The following FBN3 variants were observed in gnomAD, a reference collection of about 807,000 sequenced individuals.
FBN3 encodes the protein fibrillin 3, also known as fibrillin-3.
Under a neutral mutation model 330.1 loss-of-function variants are expected in FBN3, and 234 were observed. The observed-to-expected ratio is 0.71, with a 90% CI of 0.64 to 0.79. The LOEUF (loss-of-function observed/expected upper bound fraction) is 0.79, where lower values mean the gene tolerates loss of function less well. Ranked by LOEUF, FBN3 falls within the 30% of genes least tolerant of loss-of-function variation. The probability of loss-of-function intolerance (pLI) is 0.00; values close to 1 mark genes in which losing one functional copy is unlikely to be tolerated. For missense variants in FBN3, 3,606 were observed against 3,886.9 expected (o/e 0.93, Z 1.92); for synonymous variants, 1,458 against 1,517.3 (o/e 0.96, Z 0.91).
rs1290204356 is a variant in FBN3 at position 8,076,353 on chromosome 19, C to G, written c.7454-942G>C. Among the ~76,000 whole-genome samples the G allele has an allele frequency of 2.0e-5, 3 of 151,624 alleles. No homozygotes were observed. In the South Asian group the frequency reaches 6.2e-4, roughly 31 times the overall value. On this transcript the variant is annotated intron_variant, in intron 59 of 63. Coordinates refer to ENST00000600128, the MANE Select transcript of FBN3 (RefSeq NM_032447.5). ...TAAATATTCTTACTATTCTTGGGGG[C>G]TGGGTACAGTGGCTCATGCCTGTAA... is the stretch of plus-strand genomic sequence containing the variant.
At chr19:8,069,807 C>T (rs1455255013) in intron 63 of FBN3, among the ~76,000 whole-genome samples, 1 of 152,162 alleles carries the variant, frequency 6.6e-6, no homozygotes, top group African/African-American at 2.4e-5. Context: ...GGGCTGGTCT[C>T]AAAATCCTGG....
At chr19:8,073,006 T>TGAGAGA in intron 62 of FBN3, 57 bp downstream of exon 62, 1 of 964,448 alleles carries the variant, frequency 1.0e-6, no homozygotes, top group Non-Finnish European at 1.6e-6. Flanking sequence ...TGTGTGTGCG[T>TGAGAGA]GCGTGCATGG....
intron 56 of FBN3, 92 bp from the exon 57 acceptor site, chr19:8,083,464 T>A: frequency 6.7e-7 from 1 of 1,500,898 alleles, no homozygotes. Context: ...AGCCGTCTCC[T>A]CGGAGGAAAG....
chr19:8,073,225 C>G lies in FBN3; in HGVS notation c.7775G>C (p.Arg2592Pro), dbSNP rs760264358. The change falls in exon 62 of 64, where the codon CGC becomes CCC. Residue 2592 changes from arginine to proline, a missense_variant. By Grantham distance (103) the Arg-to-Pro change is moderately radical. Transcript: ENST00000600128. ...ASCRNTLGGF[R>P]CVCPSGFDFD... ...GTCAAAGCCAGAGGGGCAGACGCAG[C>G]GGAAGCCACCAAGAGTGTTGCGACA... is the stretch of plus-strand genomic sequence containing the variant. The G allele has an allele frequency of 3.7e-6, 6 of 1,613,914 alleles. No homozygotes were observed. Among genetic ancestry groups the G allele is most frequent in the Admixed American group, 1.7e-5 (1 of 59,986 alleles).
chr19:8,123,408 G>C (rs2082900625), intron 24 of FBN3, 56 bp downstream of exon 24: 2 of 1,571,212 alleles, frequency 1.3e-6, no homozygotes, highest in African/African-American at 2.7e-5. Flanking sequence ...TCTTATTTGA[G>C]GCCCCTATCC....
intron 63 of FBN3, among the ~76,000 whole-genome samples, chr19:8,067,133 T>G (rs1483037681): frequency 2.1e-4 from 31 of 149,322 alleles, no homozygotes; most frequent in Admixed American, 6.6e-4. Context: ...CTTTTTCTTT[T>G]TTTTTTTTTT....
chr19:8,084,111 T>C (rs1048599144), intron 56 of FBN3, among the ~76,000 whole-genome samples: 15 of 151,942 alleles, frequency 9.9e-5, no homozygotes, highest in Non-Finnish European at 2.1e-4. Context: ...CCCAGTCCTG[T>C]TGATGCCACT....
intron 39 of FBN3, 122 bp downstream of exon 39, chr19:8,103,440 A>G: frequency 8.0e-6 from 8 of 1,004,814 alleles, no homozygotes; most frequent in Non-Finnish European, 1.2e-5. Flanking sequence ...TTACTGCCAC[A>G]TGTCAGCACT....
In FBN3 at chr19:8,078,747, C is replaced by T. The variant is rs2081701553; in HGVS notation, c.7453+2256G>A. 2.0e-5 allele frequency among the ~76,000 whole-genome samples: 3 copies of T among 151,074 alleles called. No homozygotes were observed. In the South Asian group the frequency reaches 6.3e-4, roughly 32 times the overall value. On this transcript the variant is annotated intron_variant, in intron 59 of 63. Transcript: ENST00000600128. The stretch of plus-strand genomic sequence containing the variant: ...TTAATGTTGCAGAGAAACAGAAATG[C>T]CTCTTGTTTCAAGAGTCTTTGTTCA...
Position 8,123,495 on chromosome 19 carries a change from G to T in FBN3, c.3051C>A (p.Phe1017Leu). 1 of 1,614,034 alleles carries T rather than the reference G, an allele frequency of 6.2e-7. No homozygotes were observed. Residue 1017 changes from phenylalanine (F) to leucine (L), a missense_variant, in exon 24 of 64, where the codon TTC becomes TTA. Physicochemically the swap from Phe to Leu is conservative, Grantham distance 22 (BLOSUM62 0). Coordinates refer to ENST00000600128, the MANE Select transcript of FBN3 (RefSeq NM_032447.5). The part of the protein sequence containing the change: ...GSFHCACAGG[F>L]ALDAQERNCT... ...AGTTCCGTTCCTGGGCATCCAGGGC[G>T]AAGCCCCCCGCACAGGCGCAGTGGA...
chr19:8,141,669 T>C (rs73922237), intron 8 of FBN3, 48 bp downstream of exon 8: 457,915 of 1,573,016 alleles, frequency 0.29, 69,802 homozygotes, highest in South Asian at 0.48. Flanking sequence ...GCCCCCCAGG[T>C]CATGAGTCAC....
intron 13 of FBN3, among the ~76,000 whole-genome samples, chr19:8,134,433 C>A (rs1431747745): frequency 6.6e-6 from 1 of 152,074 alleles, no homozygotes; most frequent in Non-Finnish European, 1.5e-5. Flanking sequence ...AATGAAGAAG[C>A]CAGGTATGCT....
intron 13 of FBN3, among the ~76,000 whole-genome samples, chr19:8,135,080 G>A (rs898167004): frequency 6.6e-6 from 1 of 151,678 alleles, no homozygotes; most frequent in African/African-American, 2.4e-5. Context: ...CTGGGCTCAA[G>A]TGATCCTCCT....
chr19:8,072,471 C>A (rs1377610366), intron 62 of FBN3, among the ~76,000 whole-genome samples: 1 of 152,148 alleles, frequency 6.6e-6, no homozygotes, highest in South Asian at 2.1e-4. Context: ...TGGACATGAG[C>A]ATACCCAGGG....
At position 8,129,983 on chromosome 19, in the gene FBN3, C is replaced by A. The variant is rs1306082345; in HGVS notation, c.2045-618G>T. ...TGCGATCTCGGCTCACTGCAACCTC[C>A]ACCTCCCTCGTTCAAGTGATTCTCA... On this transcript the variant is annotated intron_variant, in intron 16 of 63. Transcript: ENST00000600128. This position sits in a 1 kb window ranked among gnomAD's most constrained non-coding sequence, Gnocchi z 4.5. Among the ~76,000 whole-genome samples the A allele has an allele frequency of 2.6e-5, 4 of 151,938 alleles. No homozygotes were observed. In the East Asian group the frequency reaches 7.8e-4, roughly 30 times the overall value.
Position 8,147,444 on chromosome 19 carries a change from G to A in FBN3, c.37C>T (p.Leu13=). Residue 13 remains leucine, a synonymous_variant, in exon 2 of 64, where the codon CTG becomes TTG. Coordinates refer to ENST00000600128, the MANE Select transcript of FBN3 (RefSeq NM_032447.5). ...GACCAGGCCAGCAGGAGCCGGGCCA[G>A]GGGGCCCCTTGCCAAATACAGACCC... ...LEGLYLARGP[L]ARLLLAWSAL... 6.4e-7 allele frequency: 1 copy of A among 1,565,032 alleles called. No homozygotes were observed. The highest frequency in any genetic ancestry group is 1.2e-5 in the South Asian group (1 of 84,390).
At chr19:8,124,316 T>A (rs543037377) in intron 22 of FBN3, among the ~76,000 whole-genome samples, 3 of 152,312 alleles carry the variant, frequency 2.0e-5, no homozygotes, top group African/African-American at 7.2e-5. Flanking sequence ...CAATCTCAGC[T>A]CACCATAACC....
At chr19:8,095,336 G>C in intron 46 of FBN3, 39 bp downstream of exon 46, 2 of 1,596,554 alleles carry the variant, frequency 1.3e-6, no homozygotes, top group Non-Finnish European at 1.7e-6. Context: ...TGGAGCAGGG[G>C]CTGGCTGAGA....
In FBN3 at chr19:8,075,058, C is replaced by T; in HGVS notation, c.7702+13G>A. ...GTGGAGGGCCCAGCTTCTTCCCAGC[C>T]CTTTTCACTCACCCACACACTGGGC... On this transcript the variant is annotated intron_variant, in intron 61 of 63. Coordinates refer to ENST00000600128, the MANE Select transcript of FBN3 (RefSeq NM_032447.5). 1 of 1,602,820 alleles carries T rather than the reference C, an allele frequency of 6.2e-7. No individual in the cohort carries two copies.
Sources: gnomAD v4.1 joint callset for allele counts (sites outside exome capture counted in the v4.1 genomes callset) on GRCh38, gnomAD v4.1.1 for gene constraint, Gnocchi (gnomAD v3.1) non-coding constraint, MANE v1.5 for transcripts, NCBI Gene and HGNC (gene_info 2026-07-23, HGNC 2026-07-21) for gene names.